The following RIT2 variants were observed in gnomAD, a reference collection of about 807,000 sequenced individuals.
RIT2 encodes the protein Ras like without CAAX 2.
In RIT2, 24 loss-of-function variants were observed where a neutral mutation model predicts 23.7. The ratio of observed to expected loss-of-function variants is 1.01; its 90% CI spans 0.73 to 1.43. The LOEUF (loss-of-function observed/expected upper bound fraction) is 1.43. RIT2 is among the 40% of genes most tolerant of loss of function. The probability of loss-of-function intolerance (pLI) is 0.00; values close to 1 mark genes in which losing one functional copy is unlikely to be tolerated. For synonymous variants in RIT2, 107 were observed against 91.1 expected (o/e 1.17, Z -0.99); for missense variants, 236 against 266.9 (o/e 0.88, Z 0.81).
intron 4 of RIT2, among the ~76,000 whole-genome samples, chr18:42,876,463 C>T (rs928687638): frequency 6.6e-6 from 1 of 150,540 alleles, no homozygotes; most frequent in Non-Finnish European, 1.5e-5. Context: ...AGAAAAGGAA[C>T]GAGGTCTTAA....
intron 4 of RIT2, among the ~76,000 whole-genome samples, chr18:42,842,727 G>A (rs1906801162): frequency 6.6e-6 from 1 of 152,074 alleles, no homozygotes. Flanking sequence ...GCCACAAGTG[G>A]AAAATTCCAT....
intron 2 of RIT2, among the ~76,000 whole-genome samples, chr18:42,975,564 G>A (rs1349530826): frequency 6.6e-6 from 1 of 152,092 alleles, no homozygotes; most frequent in African/African-American, 2.4e-5. Context: ...ACCCTGAGCA[G>A]ATAGTGATAA....
chr18:43,101,851 T>C (rs189617718), intron 1 of RIT2, among the ~76,000 whole-genome samples: 19 of 152,300 alleles, frequency 1.2e-4, no homozygotes, highest in Admixed American at 1.2e-3. Context: ...GTGTGAAAGC[T>C]GATATTAGAT....
chr18:43,024,932 G>T (rs1254659879), intron 2 of RIT2, among the ~76,000 whole-genome samples: 1 of 152,032 alleles, frequency 6.6e-6, no homozygotes, highest in Non-Finnish European at 1.5e-5. Context: ...AACAGGCCGG[G>T]TGCGGTGGCT....
At chr18:42,874,558 T>C (rs755815518) in intron 4 of RIT2, among the ~76,000 whole-genome samples, 7 of 152,152 alleles carry the variant, frequency 4.6e-5, no homozygotes, top group African/African-American at 9.6e-5. Flanking sequence ...CAATGCTTAA[T>C]TTCTATTTAT....
At chr18:43,006,988 TACTC>T (rs1164585843) in intron 2 of RIT2, among the ~76,000 whole-genome samples, 1 of 151,604 alleles carries the variant, frequency 6.6e-6, no homozygotes, top group African/African-American at 2.4e-5. Flanking sequence ...ATTGTCATCA[TACTC>T]TTTATTAGAG....
At chr18:42,751,326 T>C (rs1047205481) in intron 4 of RIT2, among the ~76,000 whole-genome samples, 1 of 151,932 alleles carries the variant, frequency 6.6e-6, no homozygotes, top group Non-Finnish European at 1.5e-5. Flanking sequence ...TGAAAAAATA[T>C]GTTTAGTTGT....
intron 4 of RIT2, among the ~76,000 whole-genome samples, chr18:42,836,268 G>C (rs2144016766): frequency 6.6e-6 from 1 of 152,000 alleles, no homozygotes; most frequent in South Asian, 2.1e-4. Flanking sequence ...GGTTTAACCT[G>C]GAAGTAAGGA....
chr18:42,881,162 C>G (rs1907884099), intron 4 of RIT2, among the ~76,000 whole-genome samples: 1 of 152,150 alleles, frequency 6.6e-6, no homozygotes, highest in Admixed American at 6.6e-5. Flanking sequence ...CACTTGTAAA[C>G]TCACTGTTAA....
At chr18:43,081,755 A>C (rs572531647) in intron 1 of RIT2, among the ~76,000 whole-genome samples, 9 of 152,262 alleles carry the variant, frequency 5.9e-5, no homozygotes, top group African/African-American at 1.9e-4. Context: ...TAACAGATTT[A>C]TTTTTAATCA....
At position 42,780,340 on chromosome 18, in the gene RIT2, C is replaced by T. The variant is rs80293677; in HGVS notation, c.427-36620G>A. On this transcript the variant is annotated intron_variant, in intron 4 of 4. Transcript: ENST00000326695. ...AGAGTTAAGCTCTGCCTGAAGACTT[C>T]AACTCAGCTTGAGTCAAGGTAAGGC... is the stretch of plus-strand genomic sequence containing the variant. Among the ~76,000 whole-genome samples, 473 of 152,036 alleles carry T rather than the reference C, an allele frequency of 3.1e-3. 2 individuals carry two copies. Among genetic ancestry groups the T allele is most frequent in the African/African-American group, 0.011 (459 of 41,492 alleles).
intron 4 of RIT2, among the ~76,000 whole-genome samples, chr18:42,772,734 T>C (rs1241759691): frequency 6.6e-6 from 1 of 152,180 alleles, no homozygotes; most frequent in Non-Finnish European, 1.5e-5. Context: ...TTGACTTTCT[T>C]GGGCTCCTGG....
At position 43,026,580 on chromosome 18, in the gene RIT2, G is replaced by GAAATAAAGAAAGAAAT. The variant is rs1911726590; in HGVS notation, c.160+7230_160+7231insATTTCTTTCTTTATTT. Among the ~76,000 whole-genome samples, 4 of 63,880 alleles carry GAAATAAAGAAAGAAAT rather than the reference G, an allele frequency of 6.3e-5. No individual in the cohort carries two copies. In the South Asian group the frequency reaches 2.5e-3, roughly 39 times the overall value. The allele number at this position is 63,880 out of a possible 152,430, so 41.9% of individuals were successfully genotyped here. On this transcript the variant is annotated intron_variant, in intron 2 of 4. Transcript: ENST00000326695. ...AAAAAAGTAAGAAATAAATAAGAAA[G>GAAATAAAGAAAGAAAT]AAAGAAAGAAAGAAAGAAAGAAAGA...
At chr18:43,106,629 A>T (rs2144246842) in intron 1 of RIT2, among the ~76,000 whole-genome samples, 1 of 152,010 alleles carries the variant, frequency 6.6e-6, no homozygotes, top group African/African-American at 2.4e-5. Flanking sequence ...CCAGTCCCCC[A>T]CTCCCCCTTC....
intron 1 of RIT2, among the ~76,000 whole-genome samples, chr18:43,108,739 T>C (rs1913886658): frequency 6.6e-6 from 1 of 152,214 alleles, no homozygotes; most frequent in South Asian, 2.1e-4. Flanking sequence ...AATTTACTCT[T>C]TTACTGAGCC....
At chr18:42,893,424 T>G (rs1275530862) in intron 4 of RIT2, among the ~76,000 whole-genome samples, 1 of 152,284 alleles carries the variant, frequency 6.6e-6, no homozygotes. Flanking sequence ...CTTCTTGCTG[T>G]GTCCTCAAAA....
intron 1 of RIT2, among the ~76,000 whole-genome samples, chr18:43,078,533 A>G (rs1047253043): frequency 2.0e-5 from 3 of 152,206 alleles, no homozygotes; most frequent in South Asian, 2.1e-4. Context: ...TAAGTAGTCC[A>G]TAAGTTCCTT....
intron 4 of RIT2, among the ~76,000 whole-genome samples, chr18:42,858,753 C>T (rs1172159188): frequency 1.3e-5 from 2 of 152,182 alleles, no homozygotes; most frequent in Non-Finnish European, 2.9e-5. Context: ...AATCTACTTT[C>T]TGTTCTTGTA....
chr18:42,781,135 AG>A lies in RIT2; in HGVS notation c.427-37416del, dbSNP rs1913802456. On this transcript the variant is annotated intron_variant, in intron 4 of 4. Transcript: ENST00000326695. ...AAATGTACTGAAAATAAGTATAAAA[AG>A]AAATCCACTCTGAAAATAATGAAAA... Among the ~76,000 whole-genome samples the A allele has an allele frequency of 2.6e-5, 4 of 152,274 alleles. No homozygotes were observed. In the South Asian group the frequency reaches 8.3e-4, roughly 32 times the overall value.
Sources: allele counts gnomAD v4.1 joint callset (sites outside exome capture counted in the v4.1 genomes callset), GRCh38; gene constraint gnomAD v4.1.1; transcripts MANE v1.5; gene names NCBI Gene and HGNC (gene_info 2026-07-23, HGNC 2026-07-21).